The following NLGN4X variants were observed in gnomAD, a reference collection of about 807,000 sequenced individuals.
The protein encoded by NLGN4X is neuroligin-4, X-linked.
In NLGN4X, 3 loss-of-function variants were observed where a neutral mutation model predicts 40.3. The ratio of observed to expected loss-of-function variants is 0.07; its 90% CI spans 0.03 to 0.19. The LOEUF (loss-of-function observed/expected upper bound fraction) is 0.19, where lower values mean the gene tolerates loss of function less well. NLGN4X is among the 10% of genes least tolerant of loss of function. The pLI, the probability that NLGN4X is intolerant of heterozygous loss-of-function variation, is 1.00. For missense variants in NLGN4X, 382 were observed against 708.3 expected, an observed-to-expected ratio of 0.54 and a Z score of 5.23; for synonymous variants, 270 against 306.8, an observed-to-expected ratio of 0.88 and a Z score of 1.25.
intron 1 of NLGN4X, among the ~76,000 whole-genome samples, chrX:6,221,015 G>GGC (rs1319373468): frequency 9.1e-6 from 1 of 110,115 alleles, no homozygotes; most frequent in Non-Finnish European, 1.9e-5. Context: ...TGGGATTACA[G>GGC]GCGTGAGCCA....
chrX:5,980,954 T>C (rs141988264), intron 3 of NLGN4X, among the ~76,000 whole-genome samples: 7,544 of 111,506 alleles, frequency 0.068, 634 homozygotes, highest in African/African-American at 0.23. Flanking sequence ...ACTGTTATTT[T>C]ATTTGGGATT....
intron 3 of NLGN4X, among the ~76,000 whole-genome samples, chrX:5,996,416 C>A (rs964016041): frequency 1.8e-5 from 2 of 111,495 alleles, no homozygotes; most frequent in Non-Finnish European, 3.8e-5. Flanking sequence ...CTAGGGACTG[C>A]AAGATAACAG....
At chrX:6,199,841 G>A (rs1602410863) in intron 1 of NLGN4X, among the ~76,000 whole-genome samples, 1 of 111,972 alleles carries the variant, frequency 8.9e-6, no homozygotes, top group Non-Finnish European at 1.9e-5. Context: ...CATGTACTGA[G>A]TGATCCAAAC....
At chrX:5,925,647 A>C (rs868118551) in intron 3 of NLGN4X, among the ~76,000 whole-genome samples, 1 of 106,475 alleles carries the variant, frequency 9.4e-6, no homozygotes, top group Admixed American at 1.0e-4. Context: ...AATGTTTCCT[A>C]ATCACATCTT....
rs145308029 is a variant in NLGN4X, at chrX:5,907,570, C to T, written c.811+1484G>A. 1.4e-3 allele frequency among the ~76,000 whole-genome samples: 152 copies of T among 111,695 alleles called. 1 individual carries two copies. The highest frequency in any genetic ancestry group is 4.7e-3 in the African/African-American group (145 of 30,740). On this transcript the variant is annotated intron_variant, in intron 4 of 5. Transcript: ENST00000381095. ...TATGCTGACTACACGTTCAAGTGCA[C>T]ATCTGGTTGAGGTAACATGATGCAC...
intron 1 of NLGN4X, among the ~76,000 whole-genome samples, chrX:6,179,667 T>C (rs1921217987): frequency 8.9e-6 from 1 of 111,965 alleles, no homozygotes; most frequent in African/African-American, 3.2e-5. Context: ...TATATGGCTG[T>C]CATTGCTTTC....
At chrX:5,993,710 T>C (rs1946155794) in intron 3 of NLGN4X, among the ~76,000 whole-genome samples, 1 of 111,839 alleles carries the variant, frequency 8.9e-6, no homozygotes, top group South Asian at 3.7e-4. Flanking sequence ...GCCGGAGGGT[T>C]GGCCCTGTCA....
At chrX:6,028,624 A>T (rs2036770916) in intron 3 of NLGN4X, among the ~76,000 whole-genome samples, 2 of 107,426 alleles carry the variant, frequency 1.9e-5, no homozygotes, top group Admixed American at 2.0e-4. Context: ...GCACCACTGC[A>T]CTCCAGCCTG....
In NLGN4X at chrX:6,117,178, T is replaced by C. The variant is rs546323515; in HGVS notation, c.472+33817A>G. Among the ~76,000 whole-genome samples, 3 of 110,695 alleles carry C rather than the reference T, an allele frequency of 2.7e-5. No homozygotes were observed. The South Asian group carries it at 1.2e-3, about 43-fold the overall frequency. ...CTTTCTCTCTCCCTTGACTGCCTCCTCTCCTCATATTTGTCCGCATCTTTG... is the reference window on the plus strand; with the variant it reads ...CTTTCTCTCTCCCTTGACTGCCTCCCCTCCTCATATTTGTCCGCATCTTTG... On this transcript the variant is annotated intron_variant, in intron 2 of 5. Transcript: ENST00000381095.
At chrX:5,940,076 C>T (rs188767360) in intron 3 of NLGN4X, among the ~76,000 whole-genome samples, 4 of 110,664 alleles carry the variant, frequency 3.6e-5, no homozygotes, top group Non-Finnish European at 7.5e-5. Flanking sequence ...TGAGATCACA[C>T]TGTTGCATAT....
chrX:5,949,108 T>C (rs1259377139), intron 3 of NLGN4X, among the ~76,000 whole-genome samples: 2 of 111,922 alleles, frequency 1.8e-5, no homozygotes, highest in East Asian at 5.6e-4. Context: ...GATCCAGCCC[T>C]GGAAGTCCCA....
intron 3 of NLGN4X, among the ~76,000 whole-genome samples, chrX:5,970,177 A>T (rs867311179): frequency 9.2e-6 from 1 of 108,823 alleles, no homozygotes; most frequent in African/African-American, 3.4e-5. Context: ...AGTATAATAA[A>T]AAATAAATAA....
At chrX:6,046,850 C>T (rs191751342) in intron 2 of NLGN4X, among the ~76,000 whole-genome samples, 778 of 75,972 alleles carry the variant, frequency 0.01, 4 homozygotes, top group African/African-American at 0.033. Context: ...ATATTATAAA[C>T]ACATATATAT....
At chrX:5,998,051 TTC>T (rs1168598190) in intron 3 of NLGN4X, among the ~76,000 whole-genome samples, 1 of 111,927 alleles carries the variant, frequency 8.9e-6, no homozygotes, top group Non-Finnish European at 1.9e-5. Flanking sequence ...CTTTGTATTT[TTC>T]TCTGATATTT....
chrX:6,147,225 A>G (rs749445967), intron 2 of NLGN4X, among the ~76,000 whole-genome samples: 12 of 112,154 alleles, frequency 1.1e-4, no homozygotes, highest in Non-Finnish European at 1.7e-4. Flanking sequence ...GGATCCAGAG[A>G]AAAAGCACAG....
chrX:5,928,536 A>T (rs555372168), intron 3 of NLGN4X, among the ~76,000 whole-genome samples: 2 of 112,348 alleles, frequency 1.8e-5, no homozygotes, highest in African/African-American at 6.5e-5. Context: ...AACAGTGTAC[A>T]AATATTTTAG....
rs192108996 is a variant in NLGN4X at position 6,131,099 on chromosome X, C to T, written c.472+19896G>A. ...CTATGGATACTCTTTTACAGTCTTG[C>T]CATGCCAATCAATTTCAAAGAATAC... On this transcript the variant is annotated intron_variant, in intron 2 of 5. Transcript: ENST00000381095. Among the ~76,000 whole-genome samples, 283 of 110,677 alleles carry T rather than the reference C, an allele frequency of 2.6e-3. 2 individuals are homozygous for T. The highest frequency in any genetic ancestry group is 0.025 in the Admixed American group (254 of 10,302).
chrX:6,220,734 C>CTTTTTTTTTT (rs774553248), intron 1 of NLGN4X, among the ~76,000 whole-genome samples: 14 of 66,750 alleles, frequency 2.1e-4, no homozygotes, highest in African/African-American at 7.6e-4. Flanking sequence ...TTATAACTTT[C>CTTTTTTTTTT]TTTTTTTTTT....
At chrX:5,958,316 G>A (rs2034561061) in intron 3 of NLGN4X, among the ~76,000 whole-genome samples, 1 of 109,776 alleles carries the variant, frequency 9.1e-6, no homozygotes, top group South Asian at 3.7e-4. Context: ...AGTTTAAATA[G>A]GTACTGTCAT....
Sources: allele counts gnomAD v4.1 joint callset (sites outside exome capture counted in the v4.1 genomes callset), GRCh38; gene constraint gnomAD v4.1.1; transcripts MANE v1.5; gene names NCBI Gene and HGNC (gene_info 2026-07-23, HGNC 2026-07-21).